NFATC1: variants seen among roughly 807,000 people sequenced by gnomAD.
NFATC1 encodes the protein nuclear factor of activated T-cells, cytoplasmic 1.
Under a neutral mutation model 76.0 loss-of-function variants are expected in NFATC1, and 22 were observed. That is an observed-to-expected ratio of 0.29 (90% confidence interval 0.21 to 0.41). NFATC1 has a LOEUF of 0.41. Among genes scored for constraint, NFATC1 ranks in the 10% least tolerant of loss-of-function variants. The probability of loss-of-function intolerance (pLI) is 1.00; values close to 1 mark genes in which losing one functional copy is unlikely to be tolerated. For missense variants in NFATC1, 1,357 were observed against 1,337.7 expected (o/e 1.01, Z -0.23); for synonymous variants, 704 against 613.1 (o/e 1.15, Z -2.19).
chr18:79,408,549 G>A (rs1021268371), intron 1 of NFATC1, among the ~76,000 whole-genome samples: 2 of 152,224 alleles, frequency 1.3e-5, no homozygotes, highest in African/African-American at 2.4e-5. Flanking sequence ...AGATGGATTC[G>A]TAGGATATGA....
chr18:79,469,217 T>G (rs2088674552), intron 8 of NFATC1: 1 of 506,566 alleles, frequency 2.0e-6, no homozygotes, highest in Non-Finnish European at 2.5e-6. Context: ...CTAATTAAAC[T>G]TCAAGCATGG....
chr18:79,501,000 C>G (rs147597170), intron 9 of NFATC1, among the ~76,000 whole-genome samples: 39 of 152,006 alleles, frequency 2.6e-4, no homozygotes, highest in African/African-American at 8.0e-4. Flanking sequence ...CCAGTATAGC[C>G]CTAATACCAA....
rs772019842 is a variant in NFATC1 at position 79,429,564 on chromosome 18, G to A, written c.1227-4015G>A. 2.6e-5 allele frequency among the ~76,000 whole-genome samples: 4 copies of A among 152,248 alleles called. No individual in the cohort carries two copies. In the South Asian group the frequency reaches 8.3e-4, roughly 32 times the overall value. On this transcript the variant is annotated intron_variant, in intron 2 of 9. Transcript: ENST00000427363. ...CCTGCCCGAGGCTGCCCCAGGCGTC[G>A]TCCCCCAGAAGGAAGCACGCGGAGT...
At chr18:79,513,094 C>T (rs1160437703) in intron 9 of NFATC1, among the ~76,000 whole-genome samples, 1 of 152,236 alleles carries the variant, frequency 6.6e-6, no homozygotes, top group Non-Finnish European at 1.5e-5. Context: ...ACGCTCGGCT[C>T]TCAATAAAAA....
chr18:79,407,560 G>A (rs1340845599), intron 1 of NFATC1, among the ~76,000 whole-genome samples: 1 of 152,204 alleles, frequency 6.6e-6, no homozygotes, highest in Non-Finnish European at 1.5e-5. Flanking sequence ...CAATCCTGCT[G>A]CCTCAGCCTC....
chr18:79,483,602 C>A (rs559357685), intron 8 of NFATC1, among the ~76,000 whole-genome samples: 1 of 137,728 alleles, frequency 7.3e-6, no homozygotes, highest in Non-Finnish European at 1.5e-5. Context: ...GGCGTCACTC[C>A]GGCGTGACCT....
intron 1 of NFATC1, among the ~76,000 whole-genome samples, chr18:79,402,679 A>G (rs1490265321): frequency 6.6e-6 from 1 of 152,174 alleles, no homozygotes; most frequent in East Asian, 1.9e-4. Context: ...CGGTGTCAAG[A>G]AGTTGCTAGG....
At chr18:79,420,648 G>GAC (rs1245258645) in intron 2 of NFATC1, among the ~76,000 whole-genome samples, 2 of 140,078 alleles carry the variant, frequency 1.4e-5, no homozygotes, top group African/African-American at 5.4e-5. Flanking sequence ...TTCCAGGCAA[G>GAC]GTCGCTGCAG....
intron 1 of NFATC1, among the ~76,000 whole-genome samples, chr18:79,404,777 G>A (rs1291062929): frequency 1.3e-5 from 2 of 152,200 alleles, no homozygotes; most frequent in African/African-American, 2.4e-5. Context: ...TGCGCACAGC[G>A]AGTGAGGGAG....
intron 2 of NFATC1, among the ~76,000 whole-genome samples, chr18:79,417,158 G>A: frequency 6.7e-6 from 1 of 150,010 alleles, no homozygotes; most frequent in African/African-American, 2.5e-5. Flanking sequence ...TGTGGCGGGA[G>A]ATGGGCTGTG....
At chr18:79,406,773 T>TC (rs1312376309) in intron 1 of NFATC1, among the ~76,000 whole-genome samples, 1 of 150,352 alleles carries the variant, frequency 6.7e-6, no homozygotes, top group Non-Finnish European at 1.5e-5. Flanking sequence ...CCCTCGTGGG[T>TC]CCCCCACCGC....
chr18:79,490,503 C>A (rs1412289480), intron 9 of NFATC1, among the ~76,000 whole-genome samples: 1 of 152,116 alleles, frequency 6.6e-6, no homozygotes, highest in Non-Finnish European at 1.5e-5. Context: ...GACATTGCCG[C>A]CACCCTGGGA....
intron 8 of NFATC1, among the ~76,000 whole-genome samples, chr18:79,475,581 G>A (rs1437839302): frequency 1.3e-5 from 2 of 151,452 alleles, no homozygotes; most frequent in African/African-American, 4.9e-5. Context: ...TCGACGTTGC[G>A]AGGGAAGCGT....
At chr18:79,434,268 G>A (rs1289692406) in intron 3 of NFATC1, among the ~76,000 whole-genome samples, 3 of 152,206 alleles carry the variant, frequency 2.0e-5, no homozygotes, top group Admixed American at 2.0e-4. Context: ...GCCTGGGCCT[G>A]GCAACCCTGC....
At chr18:79,437,053 C>T (rs977214099) in intron 3 of NFATC1, among the ~76,000 whole-genome samples, 8 of 152,320 alleles carry the variant, frequency 5.3e-5, no homozygotes, top group Admixed American at 1.3e-4. Context: ...CCTGGAAGAG[C>T]GGGGCCCTGG....
intron 9 of NFATC1, among the ~76,000 whole-genome samples, chr18:79,513,659 G>A (rs537623041): frequency 5.3e-5 from 8 of 152,310 alleles, no homozygotes; most frequent in African/African-American, 9.6e-5. Context: ...CATGGGGGCG[G>A]TTTCCCTTGC....
intron 3 of NFATC1, among the ~76,000 whole-genome samples, chr18:79,445,373 G>A (rs1047517713): frequency 6.6e-6 from 1 of 152,140 alleles, no homozygotes; most frequent in African/African-American, 2.4e-5. Context: ...CTTCCTTCTC[G>A]TGCTTTGGTG....
At chr18:79,482,581 T>C (rs1163622206) in intron 8 of NFATC1, among the ~76,000 whole-genome samples, 2 of 141,804 alleles carry the variant, frequency 1.4e-5, no homozygotes, top group East Asian at 2.3e-4. Context: ...CAGCGTGACC[T>C]GGTCCTGGGG....
rs2148186693 is a variant in NFATC1, at chr18:79,410,676, A to T, written c.401A>T (p.Gln134Leu). Residue 134 changes from glutamine (Q) to leucine (L), a missense_variant, in exon 2 of 10, where the codon CAG becomes CTG. Coordinates refer to ENST00000427363, the MANE Select transcript of NFATC1 (RefSeq NM_001278669.2). This position sits in a 1 kb window ranked among gnomAD's most constrained non-coding sequence, Gnocchi z 6.7. Reference protein sequence around the residue: ...SCLGLYHNNNQFFHDVEVEDV... With the variant: ...SCLGLYHNNNLFFHDVEVEDV... ...TTGGGCCTGTACCACAACAATAACC[A>T]GTTTTTCCACGATGTGGAGGTGGAA... The T allele has an allele frequency of 6.2e-7, 1 of 1,612,856 alleles. No individual in the cohort carries two copies.
Sources: gnomAD v4.1 joint callset for allele counts (sites outside exome capture counted in the v4.1 genomes callset) on GRCh38, gnomAD v4.1.1 for gene constraint, Gnocchi (gnomAD v3.1) non-coding constraint, MANE v1.5 for transcripts, NCBI Gene and HGNC (gene_info 2026-07-23, HGNC 2026-07-21) for gene names.